Variants in LAMC2 observed in about 807,000 individuals in gnomAD.
LAMC2 encodes laminin subunit gamma-2.
LAMC2 carries 97 observed loss-of-function variants against 140.2 expected under a neutral mutation model. The ratio of observed to expected loss-of-function variants is 0.69; its 90% CI spans 0.59 to 0.82. The LOEUF (loss-of-function observed/expected upper bound fraction) is 0.82. Among genes scored for constraint, LAMC2 ranks in the 40% least tolerant of loss-of-function variants. LAMC2 has a pLI of 0.00. For missense variants in LAMC2, 1,402 were observed against 1,476.1 expected, an observed-to-expected ratio of 0.95 and a Z score of 0.82; for synonymous variants, 513 against 540.2, an observed-to-expected ratio of 0.95 and a Z score of 0.70.
At chr1:183,239,316 T>C (rs780265806) in intron 19 of LAMC2, 48 bp from the exon 20 acceptor site, 7 of 1,551,202 alleles carry the variant, frequency 4.5e-6, no homozygotes, top group Non-Finnish European at 6.2e-6. Flanking sequence ...CACTCATTTG[T>C]AAATTTGCTT....
chr1:183,226,339 C>T (rs1284279559), intron 8 of LAMC2, among the ~76,000 whole-genome samples: 2 of 151,990 alleles, frequency 1.3e-5, no homozygotes, highest in Non-Finnish European at 2.9e-5. Context: ...TTACTGTATG[C>T]CAGATAGATT....
intron 1 of LAMC2, among the ~76,000 whole-genome samples, chr1:183,197,624 C>T (rs1658561302): frequency 6.6e-6 from 1 of 150,638 alleles, no homozygotes; most frequent in African/African-American, 2.5e-5. Flanking sequence ...TGCTGTGAGC[C>T]GAGATCGTGC....
At chr1:183,204,424 C>T (rs113010444) in intron 1 of LAMC2, among the ~76,000 whole-genome samples, 5,855 of 150,660 alleles carry the variant, frequency 0.039, 131 homozygotes, top group Non-Finnish European at 0.053. Context: ...GGTGAAACCC[C>T]GTCTCTACAA....
chr1:183,218,375 TTTCTTC>T lies in LAMC2; in HGVS notation c.405-11_405-6del, dbSNP rs770073933. On this transcript the variant is annotated splice_polypyrimidine_tract_variant and intron_variant, in intron 3 of 22. Coordinates refer to ENST00000264144, the MANE Select transcript of LAMC2 (RefSeq NM_005562.3). Reference sequence around the variant, plus strand: ...TTGGAAGCATGTCCCTAATTTTCTTTTTCTTCTTCCCCAGAGACTCCAAGTGTGACT... The same window carrying T: ...TTGGAAGCATGTCCCTAATTTTCTTTTTCCCCAGAGACTCCAAGTGTGACT... 6.2e-7 allele frequency: 1 copy of T among 1,609,292 alleles called. No homozygotes were observed. Among genetic ancestry groups the T allele is most frequent in the South Asian group, 1.1e-5 (1 of 90,988 alleles).
At chr1:183,237,654 G>A (rs1660007442) in intron 18 of LAMC2, 150 bp downstream of exon 18, 2 of 795,484 alleles carry the variant, frequency 2.5e-6, no homozygotes, top group South Asian at 3.2e-5. Flanking sequence ...CAAGCCAGGA[G>A]GATCGCTTGA....
rs1460678217 is a variant in LAMC2, at chr1:183,228,593, C to T, written c.1688C>T (p.Ala563Val). The stretch of plus-strand genomic sequence containing the variant: ...GCAGGCTACTTCGGGGACCCATTGG[C>T]TCCCAACCCAGCAGACAAGTGTCGA... The part of the protein sequence containing the change: ...CKAGYFGDPL[A>V]PNPADKCRAC... The change falls in exon 11 of 23, where the codon GCT becomes GTT. Residue 563 changes from alanine (A) to valine (V), a missense_variant. Transcript: ENST00000264144. This position sits in a 1 kb window ranked among gnomAD's most constrained non-coding sequence, Gnocchi z 4.3. The T allele has an allele frequency of 6.2e-7, 1 of 1,614,090 alleles. No homozygotes were observed. The highest frequency in any genetic ancestry group is 1.7e-5 in the Admixed American group (1 of 60,026).
Position 183,239,529 on chromosome 1 carries a change from G to A in LAMC2, c.3035G>A (p.Gly1012Glu). The change falls in exon 20 of 23, where the codon GGG becomes GAG. Residue 1012 changes from glycine to glutamate, a missense_variant. Physicochemically the swap from Gly to Glu is moderately conservative, Grantham distance 98. Around this residue, in one of 3 missense-constraint regions of LAMC2, gnomAD observed 670 missense variants for 667.2 expected, o/e 1.00. Coordinates refer to ENST00000264144, the MANE Select transcript of LAMC2 (RefSeq NM_005562.3). ...GCACAGAGGGCAAAGAATGGGGCCG[G>A]GGAGGCCCTGGAAATCTCCAGTGAG... Reference protein sequence around the residue: ...ADAQRAKNGAGEALEISSEIE... With the variant: ...ADAQRAKNGAEEALEISSEIE... The A allele has an allele frequency of 1.2e-6, 2 of 1,613,860 alleles. No individual in the cohort carries two copies. The highest frequency in any genetic ancestry group is 1.7e-6 in the Non-Finnish European group (2 of 1,179,942).
At chr1:183,227,848 A>G (rs1174644851) in intron 10 of LAMC2, 151 bp downstream of exon 10, 1 of 762,302 alleles carries the variant, frequency 1.3e-6, no homozygotes, top group Non-Finnish European at 2.2e-6. Flanking sequence ...TATCTTAAAG[A>G]TAAGATATTG....
rs774844905 is a variant in LAMC2 at position 183,218,446 on chromosome 1, G to A, written c.461G>A (p.Arg154His). 10 of 1,613,892 alleles carry A rather than the reference G, an allele frequency of 6.2e-6. No homozygotes were observed. Among genetic ancestry groups the A allele is most frequent in the Admixed American group, 1.7e-5 (1 of 60,000 alleles). The change falls in exon 4 of 23, where the codon CGC becomes CAC. Residue 154 changes from arginine to histidine, a missense_variant. Physicochemically the swap from Arg to His is conservative, Grantham distance 29. This residue lies in a region of LAMC2 where 723 missense variants were observed against 783.3 expected (regional missense o/e 0.92). Coordinates refer to ENST00000264144, the MANE Select transcript of LAMC2 (RefSeq NM_005562.3). ...AGIAGPCDAG[R>H]CVCKPAVTGE... ...ATCGCAGGGCCCTGTGACGCGGGCC[G>A]CTGTGTCTGCAAGCCAGCTGTCACT...
chr1:183,239,425 C>A lies in LAMC2; in HGVS notation c.2931C>A (p.Ser977=), dbSNP rs757598151. 3.1e-6 allele frequency: 5 copies of A among 1,614,182 alleles called. No individual in the cohort carries two copies. Among genetic ancestry groups the A allele is most frequent in the Non-Finnish European group, 4.2e-6 (5 of 1,180,020 alleles). The change falls in exon 20 of 23, where the codon TCC becomes TCA. Residue 977 remains serine (S), a synonymous_variant. Coordinates refer to ENST00000264144, the MANE Select transcript of LAMC2 (RefSeq NM_005562.3). ...AEAEEAMKRL[S]YISQKVSDAS... ...CTGAAGAAGCCATGAAGAGACTCTC[C>A]TACATCAGCCAGAAGGTTTCAGATG...
At chr1:183,202,226 A>C (rs571158) in intron 1 of LAMC2, among the ~76,000 whole-genome samples, 57,373 of 148,072 alleles carry the variant, frequency 0.39, 11,121 homozygotes, top group Middle Eastern at 0.44. Context: ...ACAACAACAA[A>C]AAAAAAAAAA....
Position 183,213,871 on chromosome 1 carries a change from G to C in LAMC2, c.269-1582G>C, listed in dbSNP as rs541420537. ...ACCTAAGATTGGGAGTTCGAGACCA[G>C]CCTGGCCAACATGGAGAAACCCCGT... On this transcript the variant is annotated intron_variant, in intron 2 of 22. Transcript: ENST00000264144. 1.8e-4 allele frequency among the ~76,000 whole-genome samples: 27 copies of C among 151,656 alleles called. No homozygotes were observed. The Middle Eastern group carries it at 0.014, about 77-fold the overall frequency.
chr1:183,256,624 A>G, the LAMC2 span, among the ~76,000 whole-genome samples: 471 of 152,354 alleles, frequency 3.1e-3, 4 homozygotes, highest in African/African-American at 0.011. Context: ...ATGTTAAACC[A>G]GCCTTGTGTG....
chr1:183,239,451 C>T lies in LAMC2; in HGVS notation c.2957C>T (p.Ala986Val). ...TACATCAGCCAGAAGGTTTCAGATG[C>T]CAGTGACAAGACCCAGCAAGCAGAA... Reference protein sequence around the residue: ...LSYISQKVSDASDKTQQAERA... With the variant: ...LSYISQKVSDVSDKTQQAERA... The change falls in exon 20 of 23, where the codon GCC becomes GTC. Residue 986 changes from alanine to valine, a missense_variant. Coordinates refer to ENST00000264144, the MANE Select transcript of LAMC2 (RefSeq NM_005562.3). 1 of 1,614,114 alleles carries T rather than the reference C, an allele frequency of 6.2e-7. No homozygotes were observed. Among genetic ancestry groups the T allele is most frequent in the South Asian group, 1.1e-5 (1 of 91,070 alleles).
rs1558084378 is a variant in LAMC2, at chr1:183,207,904, A to G, written c.103A>G (p.Arg35Gly). ...AGTCTGTGATTGCAATGGGAAGTCC[A>G]GGCAGTGTATCTTTGATCGGGAACT... ...REVCDCNGKSRQCIFDRELHR... is the reference protein window; with the variant it reads ...REVCDCNGKSGQCIFDRELHR... The change falls in exon 2 of 23, where the codon AGG becomes GGG. Residue 35 changes from arginine (R) to glycine (G), a missense_variant. Physicochemically the swap from Arg to Gly is moderately radical, Grantham distance 125. Around this residue, in one of 3 missense-constraint regions of LAMC2, gnomAD observed 723 missense variants for 783.3 expected, o/e 0.92. Transcript: ENST00000264144. 1 of 1,610,854 alleles carries G rather than the reference A, an allele frequency of 6.2e-7. No homozygotes were observed. The highest frequency in any genetic ancestry group is 1.7e-5 in the Admixed American group (1 of 59,552).
chr1:183,256,857 T>C, the LAMC2 span, among the ~76,000 whole-genome samples: 3 of 152,154 alleles, frequency 2.0e-5, no homozygotes, highest in Non-Finnish European at 4.4e-5. Flanking sequence ...GTTCAAGTGA[T>C]TCTTCTGCCT....
chr1:183,237,327 C>G, intron 17 of LAMC2, 25 bp from the exon 18 acceptor site: 1 of 1,613,628 alleles, frequency 6.2e-7, no homozygotes, highest in Non-Finnish European at 8.5e-7. Context: ...AGAAGTCAGA[C>G]TCCCTGGTTT....
At chr1:183,220,784 A>G (rs1464286763) in intron 4 of LAMC2, 41 bp from the exon 5 acceptor site, 2 of 1,598,738 alleles carry the variant, frequency 1.3e-6, no homozygotes, top group Non-Finnish European at 8.6e-7. Context: ...ATAGAATAAA[A>G]AATAACCTAT....
At chr1:183,237,960 T>A (rs1660016733) in intron 18 of LAMC2, among the ~76,000 whole-genome samples, 1 of 152,186 alleles carries the variant, frequency 6.6e-6, no homozygotes. Flanking sequence ...ATTAGCTCAG[T>A]TCCACCCAGT....
Sources: gnomAD v4.1 joint callset for allele counts (sites outside exome capture counted in the v4.1 genomes callset) on GRCh38, gnomAD v4.1.1 for gene constraint, gnomAD v4.1.1 regional missense constraint, Gnocchi (gnomAD v3.1) non-coding constraint, MANE v1.5 for transcripts, NCBI Gene and HGNC (gene_info 2026-07-23, HGNC 2026-07-21) for gene names.